Variants in UBE2W observed in about 807,000 individuals in gnomAD.
UBE2W encodes the protein ubiquitin-conjugating enzyme E2 W.
Under a neutral mutation model 27.2 loss-of-function variants are expected in UBE2W, and 18 were observed. The observed-to-expected ratio is 0.66, with a 90% confidence interval of 0.46 to 0.98. The LOEUF is 0.98. UBE2W is among the 50% of genes least tolerant of loss of function. The pLI is 0.00. For missense variants in UBE2W, 90 were observed against 180.2 expected, an observed-to-expected ratio of 0.50 and a Z score of 2.87; for synonymous variants, 53 against 57.2, an observed-to-expected ratio of 0.93 and a Z score of 0.33.
chr8:73,866,286 A>AT (rs1452402909), intron 1 of UBE2W, among the ~76,000 whole-genome samples: 18 of 89,714 alleles, frequency 2.0e-4, no homozygotes, highest in Non-Finnish European at 3.4e-4. Flanking sequence ...AAAAAAAAAA[A>AT]AAAAATATAT....
At chr8:73,869,875 A>G (rs972106587) in intron 1 of UBE2W, among the ~76,000 whole-genome samples, 3 of 152,190 alleles carry the variant, frequency 2.0e-5, no homozygotes, top group Non-Finnish European at 4.4e-5. Context: ...TGTCTCAAAC[A>G]AACAGCTAAG....
intron 1 of UBE2W, among the ~76,000 whole-genome samples, chr8:73,845,720 T>TAA (rs796091391): frequency 2.8e-5 from 4 of 141,456 alleles, no homozygotes; most frequent in African/African-American, 7.7e-5. Context: ...TAAAAAAATT[T>TAA]AAAAAAAAAA....
At chr8:73,804,851 C>T (rs547014246) in intron 5 of UBE2W, among the ~76,000 whole-genome samples, 85 of 151,958 alleles carry the variant, frequency 5.6e-4, no homozygotes, top group African/African-American at 1.9e-3. Context: ...ATGCATCAGC[C>T]TCCAGTGGAA....
Position 73,788,639 on chromosome 8 carries a change from G to A in UBE2W, c.*5463C>T. ...AAGTTTCAGGCTTCAAAAGAGGCAG[G>A]ATTATTAAATCTTTCCATACACCAG... On this transcript the variant is annotated 3_prime_UTR_variant, in exon 6 of 6. Coordinates refer to ENST00000602593, the MANE Select transcript of UBE2W (RefSeq NM_018299.6). The A allele has an allele frequency of 1.0e-6, 1 of 985,392 alleles. No homozygotes were observed. Among genetic ancestry groups the A allele is most frequent in the Non-Finnish European group, 1.2e-6 (1 of 829,928 alleles). The allele number at this position is 985,392 out of a possible 1,614,324, so 61.0% of individuals were successfully genotyped here. A position where few individuals can be genotyped will look rare whatever the true frequency, so the allele number is the denominator to read the frequency against.
chr8:73,863,475 G>A (rs1261688276), intron 1 of UBE2W, among the ~76,000 whole-genome samples: 1 of 150,378 alleles, frequency 6.6e-6, no homozygotes, highest in African/African-American at 2.5e-5. Context: ...TATACCTAAT[G>A]CTAGATGACG....
At chr8:73,848,905 G>A (rs754550797) in intron 1 of UBE2W, among the ~76,000 whole-genome samples, 20 of 152,106 alleles carry the variant, frequency 1.3e-4, no homozygotes, top group Non-Finnish European at 1.9e-4. Flanking sequence ...GTAAAAACAT[G>A]TATCAAACTG....
chr8:73,815,012 G>A (rs1809329803), intron 3 of UBE2W, among the ~76,000 whole-genome samples: 1 of 152,290 alleles, frequency 6.6e-6, no homozygotes, highest in South Asian at 2.1e-4. Context: ...TGGGTACTGT[G>A]AATGTAGTGC....
intron 1 of UBE2W, among the ~76,000 whole-genome samples, chr8:73,866,282 AAAAAAAAAATATATAT>A (rs1811757119): frequency 1.0e-5 from 1 of 100,416 alleles, no homozygotes; most frequent in African/African-American, 3.8e-5. Flanking sequence ...AAAAAAAAAA[AAAAAAAAAATATATAT>A]ATATATATAT....
chr8:73,857,829 A>C (rs1811368364), intron 1 of UBE2W, among the ~76,000 whole-genome samples: 1 of 151,972 alleles, frequency 6.6e-6, no homozygotes. Context: ...AAAAATAATG[A>C]TAAATAAAAA....
intron 1 of UBE2W, among the ~76,000 whole-genome samples, chr8:73,835,758 A>C (rs1223467948): frequency 6.6e-6 from 1 of 152,198 alleles, no homozygotes. Flanking sequence ...ACAACAAAAC[A>C]AAACAAAACA....
At chr8:73,841,976 T>C (rs1251898337) in intron 1 of UBE2W, among the ~76,000 whole-genome samples, 1 of 152,178 alleles carries the variant, frequency 6.6e-6, no homozygotes, top group Non-Finnish European at 1.5e-5. Context: ...GAATTCCTGC[T>C]ACCTGAGAAC....
At chr8:73,844,944 C>T (rs1170826741) in intron 1 of UBE2W, among the ~76,000 whole-genome samples, 23 of 149,950 alleles carry the variant, frequency 1.5e-4, no homozygotes, top group Non-Finnish European at 2.8e-4. Flanking sequence ...GGAGCCCCTC[C>T]GCCTGGCAGC....
intron 1 of UBE2W, among the ~76,000 whole-genome samples, chr8:73,870,873 G>A (rs185427045): frequency 6.7e-6 from 1 of 149,850 alleles, no homozygotes; most frequent in African/African-American, 2.4e-5. Flanking sequence ...ATCCAGATGT[G>A]TGAGAAGAGC....
At chr8:73,781,831 G>C (rs540840229), downstream of UBE2W, among the ~76,000 whole-genome samples, 7 of 151,590 alleles carry the variant, frequency 4.6e-5, no homozygotes, top group South Asian at 1.5e-3. Flanking sequence ...CACATTTAAA[G>C]TGTGTGATTT....
intron 4 of UBE2W, among the ~76,000 whole-genome samples, chr8:73,808,592 T>C (rs2130870233): frequency 6.6e-6 from 1 of 152,358 alleles, no homozygotes; most frequent in Non-Finnish European, 1.5e-5. Context: ...ATCGTCTCAA[T>C]GCCAAGGCAA....
intron 3 of UBE2W, among the ~76,000 whole-genome samples, chr8:73,817,776 G>T (rs1389056064): frequency 6.6e-6 from 1 of 152,208 alleles, no homozygotes; most frequent in African/African-American, 2.4e-5. Context: ...GCCTCCCAAA[G>T]TGCTGGGATT....
At chr8:73,853,367 C>T (rs1421608716) in intron 1 of UBE2W, among the ~76,000 whole-genome samples, 4 of 152,154 alleles carry the variant, frequency 2.6e-5, no homozygotes, top group Non-Finnish European at 5.9e-5. Context: ...TAGCTCCCTG[C>T]AATGCTCCCG....
At chr8:73,814,647 T>C (rs1211488506) in intron 3 of UBE2W, among the ~76,000 whole-genome samples, 2 of 152,086 alleles carry the variant, frequency 1.3e-5, no homozygotes, top group Admixed American at 1.3e-4. Flanking sequence ...GCCTCCCAAG[T>C]AGCTGGGATT....
chr8:73,877,348 GT>G (rs1812276386), intron 1 of UBE2W, among the ~76,000 whole-genome samples: 1 of 152,092 alleles, frequency 6.6e-6, no homozygotes, highest in African/African-American at 2.4e-5. Flanking sequence ...AATTGTTCCT[GT>G]TTTTTCCCTG....
Sources: gnomAD v4.1 joint callset for allele counts (sites outside exome capture counted in the v4.1 genomes callset) on GRCh38, gnomAD v4.1.1 for gene constraint, MANE v1.5 for transcripts, NCBI Gene and HGNC (gene_info 2026-07-23, HGNC 2026-07-21) for gene names.